Variants in POF1B observed in about 807,000 individuals in gnomAD.
POF1B encodes protein POF1B.
A neutral mutation model predicts 55.3 loss-of-function variants in POF1B; 53 were observed. The ratio of observed to expected loss-of-function variants is 0.96; its 90% CI spans 0.77 to 1.20. The LOEUF (loss-of-function observed/expected upper bound fraction) is 1.20, where lower values mean the gene tolerates loss of function less well. POF1B is among the 50% of genes most tolerant of loss of function. POF1B has a pLI of 0.00. For synonymous variants in POF1B, 188 were observed against 148.3 expected, an observed-to-expected ratio of 1.27 and a Z score of -1.95; for missense variants, 478 against 420.5, an observed-to-expected ratio of 1.14 and a Z score of -1.20.
At chrX:85,349,111 C>A (rs1003318746) in intron 5 of POF1B, among the ~76,000 whole-genome samples, 9 of 110,871 alleles carry the variant, frequency 8.1e-5, no homozygotes, top group African/African-American at 2.0e-4. Context: ...TCAATACATA[C>A]CATAGCAAAC....
chrX:85,290,873 A>G (rs1329297704), intron 15 of POF1B, among the ~76,000 whole-genome samples: 1 of 111,532 alleles, frequency 9.0e-6, no homozygotes, highest in Non-Finnish European at 1.9e-5. Context: ...ATTTTCTCCT[A>G]TTTTGTAGGT....
chrX:85,336,513 G>A lies in POF1B; in HGVS notation c.724-5434C>T, dbSNP rs184264779. ...ATAAAATCCATTTTAAGTAGGGTGA[G>A]ATAATCTCTCACTGTAGTTTTGATT... On this transcript the variant is annotated intron_variant, in intron 6 of 16. Transcript: ENST00000262753. Among the ~76,000 whole-genome samples, 47 of 110,994 alleles carry A rather than the reference G, an allele frequency of 4.2e-4. No homozygotes were observed. In the East Asian group the frequency reaches 0.013, roughly 30 times the overall value.
intron 7 of POF1B, among the ~76,000 whole-genome samples, chrX:85,325,847 A>T (rs1569288861): frequency 9.1e-6 from 1 of 109,915 alleles, no homozygotes; most frequent in Admixed American, 9.6e-5. Flanking sequence ...TTGGTTGGTT[A>T]TTTTTTTTCT....
At chrX:85,280,323 C>A (rs1427435733) in intron 16 of POF1B, among the ~76,000 whole-genome samples, 2 of 111,485 alleles carry the variant, frequency 1.8e-5, no homozygotes, top group African/African-American at 6.5e-5. Flanking sequence ...AAAGGTTCTG[C>A]AGAATACTGG....
intron 7 of POF1B, among the ~76,000 whole-genome samples, chrX:85,317,228 T>C (rs1932795419): frequency 9.1e-6 from 1 of 109,438 alleles, no homozygotes; most frequent in Non-Finnish European, 1.9e-5. Context: ...TATATTCCTT[T>C]GGGTATTGTT....
rs186524206 is a variant in POF1B at position 85,372,910 on chromosome X, T to C, written c.283-5144A>G. ...GTTATTTACTTTAGTGAAAATGCTTTTGAGTAGCTCAGTGCAGTAAAGAAA... is the reference window on the plus strand; with the variant it reads ...GTTATTTACTTTAGTGAAAATGCTTCTGAGTAGCTCAGTGCAGTAAAGAAA... On this transcript the variant is annotated intron_variant, in intron 2 of 16. Coordinates refer to ENST00000262753, the MANE Select transcript of POF1B (RefSeq NM_024921.4). Among the ~76,000 whole-genome samples the C allele has an allele frequency of 9.5e-3, 1,022 of 108,008 alleles. 17 individuals carry two copies. The highest frequency in any genetic ancestry group is 0.033 in the African/African-American group (973 of 29,788). 93.8% of individuals were successfully genotyped at this position (108,008 alleles called of 115,157 possible).
chrX:85,359,144 A>G (rs968142191), intron 4 of POF1B, among the ~76,000 whole-genome samples: 3 of 111,398 alleles, frequency 2.7e-5, no homozygotes. Flanking sequence ...TTCCTAGTCC[A>G]TATCTCCATG....
intron 6 of POF1B, among the ~76,000 whole-genome samples, chrX:85,334,871 A>C (rs1382893999): frequency 9.0e-6 from 1 of 111,396 alleles, no homozygotes; most frequent in Non-Finnish European, 1.9e-5. Context: ...AACACACTTA[A>C]CCAACCATAT....
At position 85,345,760 on chromosome X, in the gene POF1B, G is replaced by C; in HGVS notation, c.723+100C>G. The C allele has an allele frequency of 3.9e-6, 3 of 775,273 alleles. No individual in the cohort carries two copies. The East Asian group carries it at 1.0e-4, about 27-fold the overall frequency. 63.9% of individuals were successfully genotyped at this position (775,273 alleles called of 1,213,427 possible). A position where few individuals can be genotyped will look rare whatever the true frequency, so the allele number is the denominator to read the frequency against. On this transcript the variant is annotated intron_variant, in intron 6 of 16. Coordinates refer to ENST00000262753, the MANE Select transcript of POF1B (RefSeq NM_024921.4). ...CAAATACCAGTGATATAACTTCTCA[G>C]TATTTTGATGAAAATTTAATGGGAG...
At chrX:85,333,955 A>AG (rs1933020654) in intron 6 of POF1B, among the ~76,000 whole-genome samples, 2 of 77,598 alleles carry the variant, frequency 2.6e-5, no homozygotes, top group African/African-American at 4.5e-5. Flanking sequence ...CAAATTTGGG[A>AG]GGGGGGAGGG....
chrX:85,344,652 G>A (rs1933234899), intron 6 of POF1B, among the ~76,000 whole-genome samples: 5 of 111,460 alleles, frequency 4.5e-5, no homozygotes, highest in Admixed American at 2.9e-4. Flanking sequence ...CTCTTTTATG[G>A]TTATATCTAA....
intron 3 of POF1B, among the ~76,000 whole-genome samples, chrX:85,362,577 T>C (rs1328118722): frequency 1.8e-5 from 2 of 112,158 alleles, no homozygotes; most frequent in Admixed American, 1.9e-4. Flanking sequence ...CAGTGTTGCA[T>C]CCCAGAAGTG....
chrX:85,377,720 T>C (rs1452876481), intron 2 of POF1B, among the ~76,000 whole-genome samples: 2 of 111,579 alleles, frequency 1.8e-5, no homozygotes, highest in Admixed American at 1.9e-4. Flanking sequence ...ATAAGGAAAA[T>C]CTTGTAAAAA....
chrX:85,311,769 T>C (rs149819220), intron 9 of POF1B, among the ~76,000 whole-genome samples: 12 of 110,441 alleles, frequency 1.1e-4, no homozygotes, highest in Admixed American at 1.9e-4. Context: ...GCCACACTGG[T>C]TGAACTAATT....
Position 85,379,638 on chromosome X carries a change from C to T in POF1B, c.-42+1G>A, listed in dbSNP as rs1933982130. The T allele has an allele frequency of 4.2e-6, 2 of 472,322 alleles. No homozygotes were observed. Among genetic ancestry groups the T allele is most frequent in the Non-Finnish European group, 7.0e-6 (2 of 284,302 alleles). The allele number at this position is 472,322 out of a possible 1,213,427, so 38.9% of individuals were successfully genotyped here. A position where few individuals can be genotyped will look rare whatever the true frequency, so the allele number is the denominator to read the frequency against. On this transcript the variant is annotated splice_donor_variant, in intron 1 of 16. Transcript: ENST00000262753. LOFTEE classifies it low-confidence loss of function (5UTR_SPLICE). ...TGGTGCCGGGAAGAGAAGAAAGCTA[C>T]CTGAGCAGCAGCAAGAGCAGGTCTG...
At position 85,330,898 on chromosome X, in the gene POF1B, G is replaced by A. The variant is rs370398257; in HGVS notation, c.854+51C>T. Reference sequence around the variant, plus strand: ...TCTATTTTTAAAGTACTAGAATGTTGTAAAATGTTTGGTAGCTACAACATC... The same window carrying A: ...TCTATTTTTAAAGTACTAGAATGTTATAAAATGTTTGGTAGCTACAACATC... On this transcript the variant is annotated intron_variant, in intron 7 of 16. Coordinates refer to ENST00000262753, the MANE Select transcript of POF1B (RefSeq NM_024921.4). The A allele has an allele frequency of 1.5e-5, 16 of 1,090,830 alleles. No individual in the cohort carries two copies. In the Admixed American group the frequency reaches 4.2e-4, roughly 29 times the overall value. 89.9% of individuals were successfully genotyped at this position (1,090,830 alleles called of 1,213,427 possible). A position where few individuals can be genotyped will look rare whatever the true frequency, so the allele number is the denominator to read the frequency against.
chrX:85,288,763 C>CTGCCA (rs1932112928), intron 15 of POF1B, among the ~76,000 whole-genome samples: 1 of 111,000 alleles, frequency 9.0e-6, no homozygotes, highest in South Asian at 3.9e-4. Flanking sequence ...TCTCTTGCCA[C>CTGCCA]TGCCATGTTA....
chrX:85,354,628 T>A (rs943053741), intron 4 of POF1B, among the ~76,000 whole-genome samples: 2 of 110,812 alleles, frequency 1.8e-5, no homozygotes, highest in Admixed American at 1.9e-4. Context: ...ACAAAATCAA[T>A]GTACAAAAAT....
intron 15 of POF1B, among the ~76,000 whole-genome samples, chrX:85,297,340 G>T (rs1164420826): frequency 8.9e-6 from 1 of 112,313 alleles, no homozygotes; most frequent in African/African-American, 3.2e-5. Flanking sequence ...TCTCATCTGA[G>T]CAGGCATGTG....
Sources: gnomAD v4.1 joint callset for allele counts (sites outside exome capture counted in the v4.1 genomes callset) on GRCh38, gnomAD v4.1.1 for gene constraint, MANE v1.5 for transcripts, NCBI Gene and HGNC (gene_info 2026-07-23, HGNC 2026-07-21) for gene names.